SNTG1: variants seen among roughly 807,000 people sequenced by gnomAD.
SNTG1 encodes the protein syntrophin gamma 1.
A neutral mutation model predicts 74.7 loss-of-function variants in SNTG1; 39 were observed. That is an observed-to-expected ratio of 0.52 (90% CI 0.40 to 0.68). The LOEUF is 0.68. Ranked by LOEUF, SNTG1 falls within the 30% of genes least tolerant of loss-of-function variation. SNTG1 has a pLI of 0.00. For synonymous variants in SNTG1, 254 were observed against 217.1 expected (o/e 1.17, Z -1.49); for missense variants, 685 against 609.5 (o/e 1.12, Z -1.30).
At chr8:50,068,665 C>G (rs963939663) in intron 1 of SNTG1, among the ~76,000 whole-genome samples, 1 of 152,128 alleles carries the variant, frequency 6.6e-6, no homozygotes, top group Non-Finnish European at 1.5e-5. Context: ...AATGGATGCC[C>G]AATTGTGGTA....
At chr8:50,352,341 G>A (rs767196501) in intron 2 of SNTG1, among the ~76,000 whole-genome samples, 1 of 152,030 alleles carries the variant, frequency 6.6e-6, no homozygotes, top group Non-Finnish European at 1.5e-5. Context: ...CCCCCAGGAA[G>A]CACAGTTATT....
At chr8:50,090,798 G>A (rs138659486) in intron 1 of SNTG1, among the ~76,000 whole-genome samples, 45 of 152,210 alleles carry the variant, frequency 3.0e-4, no homozygotes, top group African/African-American at 1.1e-3. Flanking sequence ...GTACTAGTTA[G>A]AACCTGAGAC....
Position 50,662,534 on chromosome 8 carries a change from A to G in SNTG1, c.1038+3871A>G, listed in dbSNP as rs148450855. Reference sequence around the variant, plus strand: ...AAAAAGCAGTTTAAGTAAATAGCCTAAGGTCACACAGCTAGTAAATATCAG... The same window carrying G: ...AAAAAGCAGTTTAAGTAAATAGCCTGAGGTCACACAGCTAGTAAATATCAG... On this transcript the variant is annotated intron_variant, in intron 15 of 18. Coordinates refer to ENST00000642720, the MANE Select transcript of SNTG1 (RefSeq NM_018967.5). 3.0e-3 allele frequency among the ~76,000 whole-genome samples: 455 copies of G among 152,344 alleles called. 3 individuals carry two copies. The highest frequency in any genetic ancestry group is 0.011 in the African/African-American group (439 of 41,578).
chr8:50,509,462 G>C (rs554733116), intron 9 of SNTG1, among the ~76,000 whole-genome samples: 3 of 152,142 alleles, frequency 2.0e-5, no homozygotes, highest in African/African-American at 2.4e-5. Context: ...GAAACTCATC[G>C]GTAGCTTGAT....
intron 2 of SNTG1, among the ~76,000 whole-genome samples, chr8:50,335,217 G>A (rs558382668): frequency 1.3e-5 from 2 of 152,026 alleles, no homozygotes; most frequent in African/African-American, 2.4e-5. Context: ...CTTTTTATTA[G>A]TTTCATATTG....
intron 10 of SNTG1, among the ~76,000 whole-genome samples, chr8:50,532,703 G>A (rs1487349503): frequency 1.3e-5 from 2 of 152,172 alleles, no homozygotes; most frequent in East Asian, 1.9e-4. Context: ...ACTCAGAGAT[G>A]TACAAAATTA....
intron 13 of SNTG1, 83 bp downstream of exon 13, chr8:50,591,000 TA>T: frequency 2.1e-6 from 2 of 944,870 alleles, no homozygotes; most frequent in Non-Finnish European, 3.1e-6. Flanking sequence ...ACCTGATTTC[TA>T]GACAGAAATA....
intron 2 of SNTG1, among the ~76,000 whole-genome samples, chr8:50,296,588 A>G (rs913904953): frequency 2.0e-5 from 3 of 152,100 alleles, no homozygotes; most frequent in African/African-American, 7.2e-5. Context: ...CAGGGAGGGA[A>G]CAACACACAC....
chr8:50,778,978 G>C (rs2095649809), intron 18 of SNTG1, among the ~76,000 whole-genome samples: 1 of 152,078 alleles, frequency 6.6e-6, no homozygotes, highest in South Asian at 2.1e-4. Flanking sequence ...CCCATTGCCT[G>C]TTTTTCTCAG....
intron 2 of SNTG1, among the ~76,000 whole-genome samples, chr8:50,378,874 C>A (rs192098624): frequency 2.0e-5 from 3 of 152,154 alleles, no homozygotes; most frequent in African/African-American, 7.2e-5. Context: ...TGTGATTAGT[C>A]CATGGGAGCC....
intron 2 of SNTG1, among the ~76,000 whole-genome samples, chr8:50,305,524 ATGTG>A (rs5891361): frequency 0.096 from 13,993 of 146,024 alleles, 2,130 homozygotes; most frequent in African/African-American, 0.32. Context: ...GTTTGTGCTT[ATGTG>A]TGTGTGTGTG....
intron 18 of SNTG1, among the ~76,000 whole-genome samples, chr8:50,768,106 C>T (rs1337805364): frequency 2.0e-5 from 3 of 151,938 alleles, no homozygotes; most frequent in Non-Finnish European, 2.9e-5. Context: ...AGCTGATCAT[C>T]GGAGGCTCCT....
rs1812114041 is a variant in SNTG1 at position 49,975,548 on chromosome 8, T to C, written c.-103+63317T>C. On this transcript the variant is annotated intron_variant, in intron 1 of 18. Transcript: ENST00000642720. ...TCTGATAATTTTTTTTTCTTATTAC[T>C]GTTTTCAGGATGAGAATATGAAGCT... is the stretch of plus-strand genomic sequence containing the variant. Among the ~76,000 whole-genome samples the C allele has an allele frequency of 2.0e-5, 3 of 152,260 alleles. No individual in the cohort carries two copies. The South Asian group carries it at 6.2e-4, about 32-fold the overall frequency.
intron 17 of SNTG1, among the ~76,000 whole-genome samples, chr8:50,716,309 T>C (rs996846668): frequency 7.2e-5 from 11 of 152,186 alleles, no homozygotes; most frequent in Non-Finnish European, 5.9e-5. Flanking sequence ...GAATTCTTTC[T>C]TGAAATGTCT....
chr8:50,423,774 T>TA (rs2093127014), intron 4 of SNTG1, among the ~76,000 whole-genome samples: 1 of 151,996 alleles, frequency 6.6e-6, no homozygotes, highest in South Asian at 2.1e-4. Flanking sequence ...ATGTAAAAAA[T>TA]ATAATAAAAC....
intron 2 of SNTG1, among the ~76,000 whole-genome samples, chr8:50,190,870 G>C (rs999048666): frequency 2.6e-5 from 4 of 152,116 alleles, no homozygotes; most frequent in Non-Finnish European, 4.4e-5. Context: ...AAAACAGCTA[G>C]AGCATATGAA....
intron 17 of SNTG1, among the ~76,000 whole-genome samples, chr8:50,751,191 G>A (rs1000223454): frequency 6.6e-6 from 1 of 151,932 alleles, no homozygotes; most frequent in Non-Finnish European, 1.5e-5. Context: ...AAACTACATG[G>A]TGTGTGATCA....
At position 49,912,151 on chromosome 8, in the gene SNTG1, C is replaced by T. The variant is rs1182350807; in HGVS notation, c.-183C>T. ...TGGATTGCAACTGTTTTGGAAATAG[C>T]TTTGTGAAAAGAGGGTGGAGAGCTA... On this transcript the variant is annotated 5_prime_UTR_variant, in exon 1 of 19. Transcript: ENST00000642720. 6.6e-6 allele frequency: 1 copy of T among 152,148 alleles called. No homozygotes were observed. Among genetic ancestry groups the T allele is most frequent in the Non-Finnish European group, 1.5e-5 (1 of 68,044 alleles). 9.4% of individuals were successfully genotyped at this position (152,148 alleles called of 1,614,324 possible).
intron 13 of SNTG1, among the ~76,000 whole-genome samples, chr8:50,596,166 TC>T (rs1214483829): frequency 6.6e-6 from 1 of 152,064 alleles, no homozygotes. Context: ...TGTGTCATGA[TC>T]TGTTAAATTT....
Sources: gnomAD v4.1 joint callset for allele counts (sites outside exome capture counted in the v4.1 genomes callset) on GRCh38, gnomAD v4.1.1 for gene constraint, MANE v1.5 for transcripts, NCBI Gene and HGNC (gene_info 2026-07-23, HGNC 2026-07-21) for gene names.